LMBRD1: variants seen among roughly 807,000 people sequenced by gnomAD.
LMBRD1 encodes lysosomal cobalamin transport escort protein LMBD1.
Under a neutral mutation model 74.8 loss-of-function variants are expected in LMBRD1, and 64 were observed. The observed-to-expected ratio is 0.86, with a 90% confidence interval of 0.70 to 1.05. LMBRD1 has a LOEUF of 1.05. Ranked by LOEUF, LMBRD1 falls within the 50% of genes least tolerant of loss-of-function variation. LMBRD1 has a pLI of 0.00. For synonymous variants in LMBRD1, 204 were observed against 216.3 expected, an observed-to-expected ratio of 0.94 and a Z score of 0.50; for missense variants, 652 against 645.9, an observed-to-expected ratio of 1.01 and a Z score of -0.10.
At chr6:69,711,228 C>T (rs1447014012) in intron 9 of LMBRD1, among the ~76,000 whole-genome samples, 1 of 152,238 alleles carries the variant, frequency 6.6e-6, no homozygotes, top group East Asian at 1.9e-4. Context: ...AAAGATTGTA[C>T]ACTCTATGAT....
chr6:69,781,099 A>G (rs115183087), intron 2 of LMBRD1, among the ~76,000 whole-genome samples: 2,295 of 152,330 alleles, frequency 0.015, 64 homozygotes, highest in African/African-American at 0.052. Flanking sequence ...AAACCTGATT[A>G]GTACTTCAGA....
At chr6:69,790,590 G>A in intron 1 of LMBRD1, 118 bp from the exon 2 acceptor site, 1 of 1,006,752 alleles carries the variant, frequency 9.9e-7, no homozygotes, top group Non-Finnish European at 1.5e-6. Flanking sequence ...TTTTAGTTGT[G>A]TAAGGAAAGC....
At chr6:69,715,865 G>T (rs1766477600) in intron 8 of LMBRD1, among the ~76,000 whole-genome samples, 1 of 152,066 alleles carries the variant, frequency 6.6e-6, no homozygotes, top group South Asian at 2.1e-4. Context: ...GTGAGAACAT[G>T]CAGTATTAGA....
intron 14 of LMBRD1, among the ~76,000 whole-genome samples, chr6:69,685,726 G>A (rs768247765): frequency 5.9e-5 from 9 of 152,074 alleles, no homozygotes; most frequent in South Asian, 2.1e-4. Flanking sequence ...GTTGGAACCC[G>A]GGAGGCAGAG....
At position 69,690,481 on chromosome 6, in the gene LMBRD1, G is replaced by T. The variant is rs1029264847; in HGVS notation, c.1417+7082C>A. Among the ~76,000 whole-genome samples the T allele has an allele frequency of 2.8e-4, 42 of 152,138 alleles. 1 individual carries two copies. The highest frequency in any genetic ancestry group is 2.5e-3 in the Admixed American group (38 of 15,278). Reference sequence around the variant, plus strand: ...CAAGAAATCTCCTGAATGCTGTTCAGTAAGATTCCATATGAAATATTAGAT... The same window carrying T: ...CAAGAAATCTCCTGAATGCTGTTCATTAAGATTCCATATGAAATATTAGAT... On this transcript the variant is annotated intron_variant, in intron 14 of 15. Coordinates refer to ENST00000649934, the MANE Select transcript of LMBRD1 (RefSeq NM_018368.4).
chr6:69,714,956 C>A (rs532227226), intron 8 of LMBRD1, among the ~76,000 whole-genome samples: 59 of 152,126 alleles, frequency 3.9e-4, no homozygotes, highest in African/African-American at 1.3e-3. Flanking sequence ...TGGGTGGAGC[C>A]TAGAATTTGA....
intron 7 of LMBRD1, among the ~76,000 whole-genome samples, chr6:69,721,027 C>T (rs79614136): frequency 0.051 from 7,764 of 152,276 alleles, 243 homozygotes; most frequent in Middle Eastern, 0.071. Flanking sequence ...AGCTAGTGCC[C>T]ATGCATAGAA....
At chr6:69,783,479 T>A (rs1183403868) in intron 2 of LMBRD1, among the ~76,000 whole-genome samples, 3 of 152,148 alleles carry the variant, frequency 2.0e-5, no homozygotes, top group Non-Finnish European at 2.9e-5. Flanking sequence ...GCTCAGGTGA[T>A]CCTCCCACCT....
chr6:69,731,797 C>T (rs945855078), intron 7 of LMBRD1, among the ~76,000 whole-genome samples: 1 of 151,996 alleles, frequency 6.6e-6, no homozygotes, highest in Admixed American at 6.6e-5. Flanking sequence ...GAATGTAACT[C>T]CACTGTAAGT....
At chr6:69,738,553 T>G (rs1226446400) in intron 6 of LMBRD1, among the ~76,000 whole-genome samples, 1 of 151,682 alleles carries the variant, frequency 6.6e-6, no homozygotes, top group African/African-American at 2.4e-5. Flanking sequence ...CTTGCCTACT[T>G]GGCAGAAAAA....
At chr6:69,688,746 T>TAA (rs34608489) in intron 14 of LMBRD1, among the ~76,000 whole-genome samples, 8 of 151,402 alleles carry the variant, frequency 5.3e-5, no homozygotes, top group South Asian at 2.1e-4. Flanking sequence ...GATATTTATT[T>TAA]AAAAAAAATA....
chr6:69,773,343 T>A (rs1765613915), intron 3 of LMBRD1, among the ~76,000 whole-genome samples: 1 of 152,192 alleles, frequency 6.6e-6, no homozygotes, highest in South Asian at 2.1e-4. Flanking sequence ...TCCAGAACTA[T>A]GAGCCAATAA....
At chr6:69,749,015 T>C (rs1007333042) in intron 5 of LMBRD1, among the ~76,000 whole-genome samples, 2 of 151,980 alleles carry the variant, frequency 1.3e-5, no homozygotes, top group African/African-American at 4.8e-5. Context: ...ACACTTACTA[T>C]CCTGCAGAGA....
chr6:69,722,304 T>A lies in LMBRD1; in HGVS notation c.637-3223A>T, dbSNP rs565638941. 3.9e-5 allele frequency among the ~76,000 whole-genome samples: 6 copies of A among 152,086 alleles called. No individual in the cohort carries two copies. In the East Asian group the frequency reaches 1.2e-3, roughly 29 times the overall value. ...GAAATGGCTAAAGGGAGTTCTTCAA[T>A]CTGAAACAAAAGGATATTAATGAGC... On this transcript the variant is annotated intron_variant, in intron 7 of 15. Transcript: ENST00000649934.
rs1276189146 is a variant in LMBRD1 at position 69,796,968 on chromosome 6, C to T, written c.-87G>A. 4 of 1,160,496 alleles carry T rather than the reference C, an allele frequency of 3.4e-6. No homozygotes were observed. The highest frequency in any genetic ancestry group is 5.1e-6 in the Non-Finnish European group (4 of 790,818). 71.9% of individuals were successfully genotyped at this position (1,160,496 alleles called of 1,614,324 possible). On this transcript the variant is annotated 5_prime_UTR_variant, in exon 1 of 16. Coordinates refer to ENST00000649934, the MANE Select transcript of LMBRD1 (RefSeq NM_018368.4). ...GAGAGAGCGCGAGATATACTGCACC[C>T]GCGCACCCTAAAGGTTAAAGGGGCG...
Position 69,715,113 on chromosome 6 carries a change from T to C in LMBRD1, c.763-1316A>G, listed in dbSNP as rs550187729. On this transcript the variant is annotated intron_variant, in intron 8 of 15. Transcript: ENST00000649934. ...AAAACTAAGAGGGATTTTCTGAAGA[T>C]CAGAGTAATAAAATGAACACTCCCT... 6.4e-4 allele frequency among the ~76,000 whole-genome samples: 98 copies of C among 152,170 alleles called. 1 individual carries two copies. The highest frequency in any genetic ancestry group is 3.4e-3 in the Middle Eastern group (1 of 294).
chr6:69,774,352 G>A (rs532656795), intron 3 of LMBRD1, among the ~76,000 whole-genome samples: 1 of 152,228 alleles, frequency 6.6e-6, no homozygotes, highest in East Asian at 1.9e-4. Flanking sequence ...CCCAGTCTTG[G>A]GTATGTCTTT....
At chr6:69,678,157 T>C (rs772967736) in intron 14 of LMBRD1, among the ~76,000 whole-genome samples, 1 of 152,208 alleles carries the variant, frequency 6.6e-6, no homozygotes, top group Non-Finnish European at 1.5e-5. Flanking sequence ...ATATTTTGTA[T>C]GTTATGTATA....
Position 69,701,961 on chromosome 6 carries a change from CA to C in LMBRD1, c.916-9del. On this transcript the variant is annotated splice_polypyrimidine_tract_variant and intron_variant, in intron 9 of 15. Transcript: ENST00000649934. ...AAATATTCCCCAGACGATCTAAAAG[CA>C]AAAATATATTCATTAAAATATAGTT... 1.3e-6 allele frequency: 2 copies of C among 1,533,572 alleles called. No individual in the cohort carries two copies. Among genetic ancestry groups the C allele is most frequent in the Non-Finnish European group, 1.8e-6 (2 of 1,108,270 alleles). 95.0% of individuals were successfully genotyped at this position (1,533,572 alleles called of 1,614,324 possible).
Sources: gnomAD v4.1 joint callset for allele counts (sites outside exome capture counted in the v4.1 genomes callset) on GRCh38, gnomAD v4.1.1 for gene constraint, MANE v1.5 for transcripts, NCBI Gene and HGNC (gene_info 2026-07-23, HGNC 2026-07-21) for gene names.